Variants in PLEKHB1 observed in about 807,000 individuals in gnomAD.
PLEKHB1 encodes the protein pleckstrin homology domain-containing family B member 1.
Under a neutral mutation model 36.2 loss-of-function variants are expected in PLEKHB1, and 29 were observed. That is an observed-to-expected ratio of 0.80 (90% confidence interval 0.60 to 1.09). The LOEUF is 1.09. Among genes scored for constraint, PLEKHB1 ranks in the 50% least tolerant of loss-of-function variants. The pLI, the probability that PLEKHB1 is intolerant of heterozygous loss-of-function variation, is 0.00. For synonymous variants in PLEKHB1, 138 were observed against 140.0 expected (o/e 0.99, Z 0.10); for missense variants, 330 against 348.2 (o/e 0.95, Z 0.42).
In PLEKHB1 at chr11:73,660,810, G is replaced by A. The variant is rs756291193; in HGVS notation, c.553G>A (p.Glu185Lys). ...CGAGGTGGTGCCCCCCAATGCACAC[G>A]AGGCCACGTATGTCCGCAGCTACTA... ...YYEVVPPNAH[E>K]ATYVRSYYGP... The change falls in exon 7 of 8, where the codon GAG (glutamate) becomes AAG (lysine). Residue 185 changes from glutamate to lysine, a missense_variant. Glu to Lys is a moderately conservative substitution (Grantham distance 56). Coordinates refer to ENST00000354190, the MANE Select transcript of PLEKHB1 (RefSeq NM_021200.3). 1.9e-6 allele frequency: 3 copies of A among 1,602,680 alleles called. No individual in the cohort carries two copies. The highest frequency in any genetic ancestry group is 2.3e-5 in the South Asian group (2 of 88,238).
At chr11:73,654,502 G>T (rs1438769218) in intron 5 of PLEKHB1, among the ~76,000 whole-genome samples, 2 of 152,202 alleles carry the variant, frequency 1.3e-5, no homozygotes, top group Non-Finnish European at 2.9e-5. Context: ...GCTGGGTGGG[G>T]GTTGGTATTA....
At position 73,661,181 on chromosome 11, in the gene PLEKHB1, C is replaced by T. The variant is rs549529165; in HGVS notation, c.596-285C>T. Reference sequence around the variant, plus strand: ...GGGCCTGGCGGTTGGGAATGCCCATCGTTAGGCGCCTGGTGGTTGTGCTTA... The same window carrying T: ...GGGCCTGGCGGTTGGGAATGCCCATTGTTAGGCGCCTGGTGGTTGTGCTTA... On this transcript the variant is annotated intron_variant, in intron 7 of 7. Transcript: ENST00000354190. The surrounding 1 kb of genome is among the most constrained non-coding windows in gnomAD (Gnocchi z 4.6). 1.4e-3 allele frequency among the ~76,000 whole-genome samples: 208 copies of T among 152,290 alleles called. 1 individual carries two copies. The highest frequency in any genetic ancestry group is 1.0e-2 in the South Asian group (48 of 4,822).
rs80066252 is a variant in PLEKHB1, at chr11:73,661,237, C to G, written c.596-229C>G. On this transcript the variant is annotated intron_variant, in intron 7 of 7. Coordinates refer to ENST00000354190, the MANE Select transcript of PLEKHB1 (RefSeq NM_021200.3). This position sits in a 1 kb window ranked among gnomAD's most constrained non-coding sequence, Gnocchi z 4.6. ...CTCAGGGTTTCCTCGCTGCTCCGCCCTAGCCTGCCGTAGCGGACCCGTAGG... is the reference window on the plus strand; with the variant it reads ...CTCAGGGTTTCCTCGCTGCTCCGCCGTAGCCTGCCGTAGCGGACCCGTAGG... Among the ~76,000 whole-genome samples the G allele has an allele frequency of 6.6e-6, 1 of 152,228 alleles. No individual in the cohort carries two copies. Among genetic ancestry groups the G allele is most frequent in the Non-Finnish European group, 1.5e-5 (1 of 68,038 alleles).
At chr11:73,653,630 G>A (rs978477751) in intron 5 of PLEKHB1, among the ~76,000 whole-genome samples, 3 of 152,214 alleles carry the variant, frequency 2.0e-5, no homozygotes, top group African/African-American at 7.2e-5. Flanking sequence ...CTTAAACCGA[G>A]GACTGAAGGA....
chr11:73,650,011 A>G (rs897829509), intron 2 of PLEKHB1, among the ~76,000 whole-genome samples: 1 of 152,050 alleles, frequency 6.6e-6, no homozygotes, highest in African/African-American at 2.4e-5. Flanking sequence ...ATACCAGCCT[A>G]GACAACATGG....
At chr11:73,651,634 G>A (rs757695827) in intron 3 of PLEKHB1, 154 bp from the exon 4 acceptor site, 4 of 676,332 alleles carry the variant, frequency 5.9e-6, no homozygotes, top group Non-Finnish European at 1.1e-5. Context: ...GAAACGTAGA[G>A]TGGAATCCCT....
At chr11:73,648,805 C>A in intron 1 of PLEKHB1, 1 of 1,306,876 alleles carries the variant, frequency 7.7e-7, no homozygotes. Flanking sequence ...CCACCCCACA[C>A]CAATGGCTGC....
rs78737681 is a variant in PLEKHB1 at position 73,661,247 on chromosome 11, G to A, written c.596-219G>A. 0.034 allele frequency among the ~76,000 whole-genome samples: 5,185 copies of A among 152,310 alleles called. 307 individuals carry two copies. The highest frequency in any genetic ancestry group is 0.12 in the African/African-American group (4,874 of 41,554). On this transcript the variant is annotated intron_variant, in intron 7 of 7. Coordinates refer to ENST00000354190, the MANE Select transcript of PLEKHB1 (RefSeq NM_021200.3). This position sits in a 1 kb window ranked among gnomAD's most constrained non-coding sequence, Gnocchi z 4.6. The stretch of plus-strand genomic sequence containing the variant: ...CCTCGCTGCTCCGCCCTAGCCTGCC[G>A]TAGCGGACCCGTAGGTTCCGGGACA...
chr11:73,648,002 G>T, intron 1 of PLEKHB1: 10 of 985,048 alleles, frequency 1.0e-5, no homozygotes, highest in Non-Finnish European at 1.2e-5. Flanking sequence ...CATGTACATG[G>T]ATGAGTCATT....
At chr11:73,646,736 T>G in intron 1 of PLEKHB1, 110 bp downstream of exon 1, 1 of 1,182,236 alleles carries the variant, frequency 8.5e-7, no homozygotes, top group Non-Finnish European at 1.2e-6. Context: ...CTCTGGTCTC[T>G]GAATGACATC....
intron 6 of PLEKHB1, among the ~76,000 whole-genome samples, chr11:73,659,644 A>G (rs879386386): frequency 4.6e-3 from 175 of 38,318 alleles, no homozygotes; most frequent in Admixed American, 0.015. Context: ...AATTCAGGGA[A>G]AAAAAAAATT....
intron 6 of PLEKHB1, among the ~76,000 whole-genome samples, chr11:73,656,653 G>A (rs1476565800): frequency 6.6e-6 from 1 of 152,206 alleles, no homozygotes. Context: ...ACAGGGCCTG[G>A]CATGGGGTGG....
chr11:73,657,530 G>A (rs1459383796), intron 6 of PLEKHB1, among the ~76,000 whole-genome samples: 2 of 152,192 alleles, frequency 1.3e-5, no homozygotes, highest in Non-Finnish European at 2.9e-5. Flanking sequence ...CAAACCCTCA[G>A]GTTCTGCCCA....
chr11:73,653,680 T>C (rs149445745), intron 5 of PLEKHB1, among the ~76,000 whole-genome samples: 1 of 151,990 alleles, frequency 6.6e-6, no homozygotes, highest in African/African-American at 2.4e-5. Context: ...GGGGATCGGG[T>C]AAAGGGCACG....
At chr11:73,657,277 G>A (rs1945013480) in intron 6 of PLEKHB1, among the ~76,000 whole-genome samples, 1 of 152,182 alleles carries the variant, frequency 6.6e-6, no homozygotes, top group African/African-American at 2.4e-5. Context: ...CTTGATCAGG[G>A]TCACTCAACT....
chr11:73,661,496 AG>A lies in PLEKHB1; in HGVS notation c.628del (p.Asp210IlefsTer42), dbSNP rs1171996147. The A allele has an allele frequency of 5.0e-6, 8 of 1,613,704 alleles. No homozygotes were observed. The Admixed American group carries it at 8.3e-5, about 17-fold the overall frequency. ...GPGVTHVIVR[E>X]DPCYSAGAPL... is the part of the protein sequence containing the mutation. ...GGCGTGACGCACGTGATAGTGCGGG[AG>A]GATCCCTGCTACAGCGCCGGCGCCC... On this transcript the variant is annotated frameshift_variant, in exon 8 of 8. Coordinates refer to ENST00000354190, the MANE Select transcript of PLEKHB1 (RefSeq NM_021200.3). LOFTEE classifies it high-confidence loss of function. The surrounding 1 kb of genome is among the most constrained non-coding windows in gnomAD (Gnocchi z 4.6).
chr11:73,651,882 T>C lies in PLEKHB1; in HGVS notation c.342T>C (p.Asp114=). ...GRLHLCAETK[D]DALAWKTALL... ...TGCACCTCTGTGCGGAGACCAAGGA[T>C]GATGCCCTGTGAGTCACTCCCAGGA... Residue 114 remains aspartate (D), a synonymous_variant, in exon 4 of 8, where the codon GAT becomes GAC. Transcript: ENST00000354190. The C allele has an allele frequency of 6.2e-7, 1 of 1,613,108 alleles. No individual in the cohort carries two copies. The highest frequency in any genetic ancestry group is 8.5e-7 in the Non-Finnish European group (1 of 1,179,772).
intron 3 of PLEKHB1, chr11:73,651,547 G>C (rs950942451): frequency 6.2e-6 from 4 of 644,020 alleles, no homozygotes; most frequent in East Asian, 3.0e-5. Flanking sequence ...CTCCACCAAG[G>C]CCCAGGCCAC....
At position 73,649,022 on chromosome 11, in the gene PLEKHB1, A is replaced by C. The variant is rs1316352237; in HGVS notation, c.29A>C (p.Asp10Ala). The C allele has an allele frequency of 5.0e-6, 8 of 1,595,080 alleles. No homozygotes were observed. The highest frequency in any genetic ancestry group is 6.8e-6 in the Non-Finnish European group (8 of 1,171,116). MSPAAPVPP[D>A]SALESPFEEM... is the part of the protein sequence containing the mutation. The stretch of plus-strand genomic sequence containing the variant: ...TGGCTCCTCTGACAGGTCCCGCCTG[A>C]CTCCGCTCTGGAAAGTCCTTTTGAA... The change falls in exon 2 of 8, where the codon GAC (aspartate) becomes GCC (alanine). Residue 10 changes from aspartate to alanine, a missense_variant. By Grantham distance (126) the Asp-to-Ala change is moderately radical. Transcript: ENST00000354190.
Sources: gnomAD v4.1 joint callset for allele counts (sites outside exome capture counted in the v4.1 genomes callset) on GRCh38, gnomAD v4.1.1 for gene constraint, Gnocchi (gnomAD v3.1) non-coding constraint, MANE v1.5 for transcripts, NCBI Gene and HGNC (gene_info 2026-07-23, HGNC 2026-07-21) for gene names.